The following ADAM20 variants were observed in gnomAD, a reference collection of about 807,000 sequenced individuals.
ADAM20 encodes disintegrin and metalloproteinase domain-containing protein 20.
For synonymous variants in ADAM20, 305 were observed against 310.2 expected, an observed-to-expected ratio of 0.98 and a Z score of 0.18; for missense variants, 871 against 883.2, an observed-to-expected ratio of 0.99 and a Z score of 0.18.
At chr14:70,546,862 A>C in the ADAM20 span, among the ~76,000 whole-genome samples, 1 of 152,222 alleles carries the variant, frequency 6.6e-6, no homozygotes. Context: ...CAACATTTAA[A>C]GAAATTGAAA....
At chr14:70,530,625 A>G (rs1345701502) in intron 1 of ADAM20, among the ~76,000 whole-genome samples, 2 of 152,176 alleles carry the variant, frequency 1.3e-5, no homozygotes, top group Non-Finnish European at 2.9e-5. Flanking sequence ...GTCACTAGAC[A>G]ATAGGAATTT....
chr14:70,552,980 T>C, the ADAM20 span, among the ~76,000 whole-genome samples: 1 of 52,138 alleles, frequency 1.9e-5, no homozygotes, highest in Non-Finnish European at 3.6e-5. Flanking sequence ...TATGCAGCCA[T>C]AAAAAATGAT....
chr14:70,525,206 A>C (rs1157777281), intron 1 of ADAM20, among the ~76,000 whole-genome samples: 1 of 151,918 alleles, frequency 6.6e-6, no homozygotes, highest in African/African-American at 2.4e-5. Context: ...TAATGTATGT[A>C]TTTCTTTTAT....
At chr14:70,529,072 G>A (rs1161408073) in intron 1 of ADAM20, among the ~76,000 whole-genome samples, 3 of 152,142 alleles carry the variant, frequency 2.0e-5, no homozygotes, top group Non-Finnish European at 2.9e-5. Context: ...GAAATAGATA[G>A]CAACACAATA....
At chr14:70,558,487 ATGTGTG>A in the ADAM20 span, among the ~76,000 whole-genome samples, 31 of 150,192 alleles carry the variant, frequency 2.1e-4, no homozygotes, top group Non-Finnish European at 2.7e-4. Context: ...ACATGTATGA[ATGTGTG>A]TGTGTGTGTG....
At chr14:70,532,471 C>G (rs568532343) in intron 1 of ADAM20, among the ~76,000 whole-genome samples, 1 of 152,106 alleles carries the variant, frequency 6.6e-6, no homozygotes. Context: ...AATGAGACTA[C>G]CTCAAACTAA....
chr14:70,575,734 T>C, the ADAM20 span, among the ~76,000 whole-genome samples: 27 of 152,294 alleles, frequency 1.8e-4, no homozygotes, highest in East Asian at 4.4e-3. Flanking sequence ...GAGATATACA[T>C]AAGTAACTAT....
chr14:70,545,618 G>T, the ADAM20 span, among the ~76,000 whole-genome samples: 1 of 152,138 alleles, frequency 6.6e-6, no homozygotes, highest in African/African-American at 2.4e-5. Context: ...AAGAGACAAA[G>T]AAGGTCATTA....
Position 70,524,592 on chromosome 14 carries a change from T to G in ADAM20, c.166A>C (p.Lys56Gln), listed in dbSNP as rs745510452. The G allele has an allele frequency of 6.2e-7, 1 of 1,613,920 alleles. No homozygotes were observed. The highest frequency in any genetic ancestry group is 1.1e-5 in the South Asian group (1 of 91,070). Residue 56 changes from lysine to glutamine, a missense_variant, in exon 2 of 2, where the codon AAG becomes CAG. Lys to Gln is a moderately conservative substitution (Grantham distance 53). Transcript: ENST00000256389. ...LKVISRGRGA[K>Q]APGWLSYSLR... Reference sequence around the variant, plus strand: ...CTATAGGAGAGCCATCCAGGAGCCTTTGCACCTCTGCCCCTGCTGATCACC... The same window carrying G: ...CTATAGGAGAGCCATCCAGGAGCCTGTGCACCTCTGCCCCTGCTGATCACC...
In ADAM20 at chr14:70,523,404, A is replaced by G. The variant is rs777827701; in HGVS notation, c.1354T>C (p.Cys452Arg). 9.3e-6 allele frequency: 15 copies of G among 1,613,912 alleles called. No homozygotes were observed. The highest frequency in any genetic ancestry group is 4.0e-5 in the African/African-American group (3 of 74,894). ...GGCAGAAATTTGCAGTCTTTGCAAC[A>G]TATTCCAAAAGCACAAGCAGCCCCA... The part of the protein sequence containing the change: ...HPGAACAFGI[C>R]CKDCKFLPSG... Residue 452 changes from cysteine (C) to arginine (R), a missense_variant, in exon 2 of 2, where the codon TGT (cysteine) becomes CGT (arginine). Physicochemically the swap from Cys to Arg is radical, Grantham distance 180 (BLOSUM62 -3). Coordinates refer to ENST00000256389, the MANE Select transcript of ADAM20 (RefSeq NM_003814.5).
rs1269304795 is a variant in ADAM20, at chr14:70,524,140, C to T, written c.618G>A (p.Gln206=). The T allele has an allele frequency of 6.2e-7, 1 of 1,613,872 alleles. No individual in the cohort carries two copies. Among genetic ancestry groups the T allele is most frequent in the Non-Finnish European group, 8.5e-7 (1 of 1,179,924 alleles). The change falls in exon 2 of 2, where the codon CAG becomes CAA. Residue 206 remains glutamine (Q), a synonymous_variant. Coordinates refer to ENST00000256389, the MANE Select transcript of ADAM20 (RefSeq NM_003814.5). ...CGACCACTACCAGCTCAACAAACCG[C>T]TGATGGGTCCACCAGCCCACAAAAG... ...QSSFVGWWTH[Q]RFVELVVVVD...
At position 70,522,795 on chromosome 14, in the gene ADAM20, T is replaced by C. The variant is rs1265713984; in HGVS notation, c.1963A>G (p.Asn655Asp). 1 of 1,614,064 alleles carries C rather than the reference T, an allele frequency of 6.2e-7. No individual in the cohort carries two copies. Among genetic ancestry groups the C allele is most frequent in the East Asian group, 2.2e-5 (1 of 44,882 alleles). The change falls in exon 2 of 2, where the codon AAC (asparagine) becomes GAC (aspartate). Residue 655 changes from asparagine (N) to aspartate (D), a missense_variant. Asn to Asp is a conservative substitution (Grantham distance 23). Coordinates refer to ENST00000256389, the MANE Select transcript of ADAM20 (RefSeq NM_003814.5). ...ICNNKQHCHCNHEWAPPYCKD... is the reference protein window; with the variant it reads ...ICNNKQHCHCDHEWAPPYCKD... ...CAGTATGGGGGTGCCCATTCATGGT[T>C]GCAGTGACAGTGTTGTTTGTTGTTG... is the stretch of plus-strand genomic sequence containing the variant.
intron 1 of ADAM20, among the ~76,000 whole-genome samples, chr14:70,527,197 T>C (rs1391380298): frequency 6.6e-6 from 1 of 152,288 alleles, no homozygotes; most frequent in East Asian, 1.9e-4. Flanking sequence ...CCCTCTTTCT[T>C]TGCTGAAAAT....
chr14:70,546,377 T>C, the ADAM20 span, among the ~76,000 whole-genome samples: 1 of 152,202 alleles, frequency 6.6e-6, no homozygotes. Flanking sequence ...AGCTTGGTTT[T>C]ATACATTTTA....
chr14:70,555,157 A>C, the ADAM20 span, among the ~76,000 whole-genome samples: 1 of 152,200 alleles, frequency 6.6e-6, no homozygotes, highest in Non-Finnish European at 1.5e-5. Flanking sequence ...TCAGTAACGA[A>C]AGTGAATAAG....
At chr14:70,536,715 A>T (rs1007618597), upstream of ADAM20, among the ~76,000 whole-genome samples, 5 of 151,982 alleles carry the variant, frequency 3.3e-5, no homozygotes, top group Admixed American at 2.6e-4. Flanking sequence ...AACCAGAAAC[A>T]TTCCAACCAT....
chr14:70,573,003 A>G, the ADAM20 span, among the ~76,000 whole-genome samples: 1 of 152,176 alleles, frequency 6.6e-6, no homozygotes, highest in African/African-American at 2.4e-5. Context: ...AATTAGTTCA[A>G]CCCCTGTAGA....
chr14:70,543,493 T>A, the ADAM20 span, among the ~76,000 whole-genome samples: 1 of 152,220 alleles, frequency 6.6e-6, no homozygotes, highest in East Asian at 1.9e-4. Context: ...CTCAACCAGT[T>A]GGGTCTAGTA....
intron 1 of ADAM20, among the ~76,000 whole-genome samples, chr14:70,525,720 T>C (rs957095383): frequency 2.0e-5 from 3 of 152,158 alleles, no homozygotes; most frequent in Non-Finnish European, 4.4e-5. Context: ...GTGCTCTAAA[T>C]TGATAGTCAA....
Sources: gnomAD v4.1 joint callset for allele counts (sites outside exome capture counted in the v4.1 genomes callset) on GRCh38, gnomAD v4.1.1 for gene constraint, MANE v1.5 for transcripts, NCBI Gene and HGNC (gene_info 2026-07-23, HGNC 2026-07-21) for gene names.